Variants in PPP1R12A observed in about 807,000 individuals in gnomAD.
PPP1R12A encodes the protein protein phosphatase 1 regulatory subunit 12A.
In PPP1R12A, 19 loss-of-function variants were observed where a neutral mutation model predicts 139.6. That is an observed-to-expected ratio of 0.14 (90% confidence interval 0.09 to 0.20). The LOEUF is 0.20. Ranked by LOEUF, PPP1R12A falls within the 10% of genes least tolerant of loss-of-function variation. PPP1R12A has a pLI of 1.00. For missense variants in PPP1R12A, 925 were observed against 1,211.5 expected (o/e 0.76, Z 3.51); for synonymous variants, 427 against 420.6 (o/e 1.02, Z -0.19).
At chr12:79,917,598 T>G (rs568726428) in intron 1 of PPP1R12A, among the ~76,000 whole-genome samples, 16 of 152,168 alleles carry the variant, frequency 1.1e-4, no homozygotes, top group Middle Eastern at 6.9e-3. Context: ...AACCTTTCTG[T>G]ACACTACTAC....
chr12:79,885,685 G>A (rs550124191), intron 1 of PPP1R12A, among the ~76,000 whole-genome samples: 1 of 152,226 alleles, frequency 6.6e-6, no homozygotes, highest in South Asian at 2.1e-4. Context: ...TTGTATAAAT[G>A]TAATTATAAC....
chr12:79,933,841 T>C (rs529243995), intron 1 of PPP1R12A, among the ~76,000 whole-genome samples: 1 of 152,354 alleles, frequency 6.6e-6, no homozygotes, highest in South Asian at 2.1e-4. Context: ...TGTGACCAGC[T>C]TTCTTTTTTC....
intron 1 of PPP1R12A, among the ~76,000 whole-genome samples, chr12:79,873,154 G>T (rs1436216904): frequency 6.6e-6 from 1 of 152,026 alleles, no homozygotes; most frequent in Non-Finnish European, 1.5e-5. Context: ...TAGTGTATGT[G>T]CCTAGACTCT....
At chr12:79,922,363 G>A (rs1227838526) in intron 1 of PPP1R12A, among the ~76,000 whole-genome samples, 1 of 152,196 alleles carries the variant, frequency 6.6e-6, no homozygotes, top group Non-Finnish European at 1.5e-5. Context: ...GTCAACATGA[G>A]TACTTTCACG....
chr12:79,818,289 G>T (rs1171162132), intron 8 of PPP1R12A, among the ~76,000 whole-genome samples: 2 of 152,108 alleles, frequency 1.3e-5, no homozygotes, highest in African/African-American at 4.8e-5. Context: ...TGTTGCCCAG[G>T]TTGGGGTACA....
intron 9 of PPP1R12A, among the ~76,000 whole-genome samples, chr12:79,814,107 A>T (rs2137085329): frequency 6.6e-6 from 1 of 152,288 alleles, no homozygotes; most frequent in South Asian, 2.1e-4. Context: ...AAAAATACTA[A>T]TATGCTAAAT....
intron 8 of PPP1R12A, among the ~76,000 whole-genome samples, chr12:79,820,029 C>T (rs1313582032): frequency 6.8e-6 from 1 of 147,260 alleles, no homozygotes; most frequent in Non-Finnish European, 1.5e-5. Context: ...CAATTCCTAC[C>T]ATATGAAAAA....
chr12:79,777,521 T>C lies in PPP1R12A; in HGVS notation c.3006+1029A>G, dbSNP rs180750656. On this transcript the variant is annotated intron_variant, in intron 24 of 24. Transcript: ENST00000450142. ...GAAGAAATGATGAAACTAAAAATTA[T>C]AGGTTCACAGACTGCAGTTGCCTAT... 29 of 985,292 alleles carry C rather than the reference T, an allele frequency of 2.9e-5. No homozygotes were observed. The African/African-American group carries it at 3.7e-4, about 12-fold the overall frequency. 61.0% of individuals were successfully genotyped at this position (985,292 alleles called of 1,614,324 possible).
intron 2 of PPP1R12A, among the ~76,000 whole-genome samples, chr12:79,867,498 A>AAGT (rs1882100679): frequency 6.8e-6 from 1 of 147,864 alleles, no homozygotes; most frequent in African/African-American, 2.5e-5. Context: ...AAATATGTTC[A>AAGT]AATGCATGAG....
At chr12:79,842,859 G>A (rs1481344787) in intron 3 of PPP1R12A, among the ~76,000 whole-genome samples, 5 of 152,096 alleles carry the variant, frequency 3.3e-5, no homozygotes, top group Non-Finnish European at 5.9e-5. Flanking sequence ...TAAGTGTACA[G>A]TTCTTAAGTA....
chr12:79,860,709 A>G (rs1458649585), intron 2 of PPP1R12A, among the ~76,000 whole-genome samples: 1 of 152,228 alleles, frequency 6.6e-6, no homozygotes, highest in Non-Finnish European at 1.5e-5. Context: ...ATTATAAAAC[A>G]AAATTAAAAT....
At chr12:79,864,927 T>A (rs764802982) in intron 2 of PPP1R12A, among the ~76,000 whole-genome samples, 2 of 152,144 alleles carry the variant, frequency 1.3e-5, no homozygotes, top group Non-Finnish European at 2.9e-5. Flanking sequence ...GAAACTATTC[T>A]GATCAACAGA....
intron 4 of PPP1R12A, among the ~76,000 whole-genome samples, chr12:79,831,884 G>A (rs536022901): frequency 1.9e-3 from 283 of 152,250 alleles, no homozygotes; most frequent in Middle Eastern, 3.4e-3. Flanking sequence ...CTAAGTTCCA[G>A]TGTTCATGTA....
intron 23 of PPP1R12A, chr12:79,779,205 A>C: frequency 1.2e-6 from 1 of 827,324 alleles, no homozygotes; most frequent in Non-Finnish European, 1.7e-6. Context: ...AAGCCAACAC[A>C]CAACACATTA....
At chr12:79,778,123 A>T (rs1449731401) in intron 24 of PPP1R12A, among the ~76,000 whole-genome samples, 1 of 152,070 alleles carries the variant, frequency 6.6e-6, no homozygotes, top group Non-Finnish European at 1.5e-5. Context: ...TCACTCCCCT[A>T]ATGTCCTTTA....
intron 1 of PPP1R12A, among the ~76,000 whole-genome samples, chr12:79,907,560 C>T (rs1407913928): frequency 1.3e-5 from 2 of 152,146 alleles, no homozygotes; most frequent in South Asian, 4.1e-4. Flanking sequence ...TCTACAATTG[C>T]CTACTTTCAC....
chr12:79,918,897 C>T (rs555718497), intron 1 of PPP1R12A, among the ~76,000 whole-genome samples: 15 of 152,190 alleles, frequency 9.9e-5, no homozygotes, highest in African/African-American at 3.6e-4. Flanking sequence ...GGGCAGATTA[C>T]TTGAGGTCAG....
rs188233627 is a variant in PPP1R12A at position 79,775,453 on chromosome 12, T to C, written c.*476A>G. 1.4e-4 allele frequency: 21 copies of C among 152,488 alleles called. No homozygotes were observed. Among genetic ancestry groups the C allele is most frequent in the African/African-American group, 5.1e-4 (21 of 41,518 alleles). The allele number at this position is 152,488 out of a possible 1,614,324, so 9.4% of individuals were successfully genotyped here. A position where few individuals can be genotyped will look rare whatever the true frequency, so the allele number is the denominator to read the frequency against. On this transcript the variant is annotated 3_prime_UTR_variant, in exon 25 of 25. Transcript: ENST00000450142. ...GAAGGAAAAAATACAAACCCAAACT[T>C]AGATGAAAAGCCAAAAAATTTAAAT... is the stretch of plus-strand genomic sequence containing the variant.
intron 2 of PPP1R12A, among the ~76,000 whole-genome samples, chr12:79,869,428 T>A (rs1882326052): frequency 6.6e-6 from 1 of 152,216 alleles, no homozygotes; most frequent in Non-Finnish European, 1.5e-5. Context: ...ATTCAGTGCA[T>A]AAATGCAGTT....
Sources: allele counts gnomAD v4.1 joint callset (sites outside exome capture counted in the v4.1 genomes callset), GRCh38; gene constraint gnomAD v4.1.1; transcripts MANE v1.5; gene names NCBI Gene and HGNC (gene_info 2026-07-23, HGNC 2026-07-21).